Variants in HK2 observed in about 807,000 individuals in gnomAD.
HK2 encodes hexokinase 2.
Under a neutral mutation model 92.9 loss-of-function variants are expected in HK2, and 42 were observed. That is an observed-to-expected ratio of 0.45 (90% CI 0.35 to 0.58). The LOEUF (loss-of-function observed/expected upper bound fraction) is 0.58. Among genes scored for constraint, HK2 ranks in the 20% least tolerant of loss-of-function variants. HK2 has a pLI of 0.00. For synonymous variants in HK2, 422 were observed against 468.0 expected (o/e 0.90, Z 1.27); for missense variants, 978 against 1,245.1 (o/e 0.79, Z 3.23).
chr2:74,836,607 C>T (rs1321869599), intron 1 of HK2, among the ~76,000 whole-genome samples: 1 of 152,166 alleles, frequency 6.6e-6, no homozygotes, highest in African/African-American at 2.4e-5. Flanking sequence ...TCCCTGAAGA[C>T]CCTTGGGTGT....
chr2:74,869,320 T>C (rs983713975), intron 3 of HK2, among the ~76,000 whole-genome samples: 7 of 152,236 alleles, frequency 4.6e-5, no homozygotes, highest in African/African-American at 1.7e-4. Flanking sequence ...GAAAAAAGGC[T>C]GAAAGGAAGT....
Position 74,881,095 on chromosome 2 carries a change from G to A in HK2, c.1570+526G>A, listed in dbSNP as rs561916131. ...TTTTATTACACAGCCATGCCCATGC[G>A]TCTGCACGTTGCTTATGGTTGTTTT... is the stretch of plus-strand genomic sequence containing the variant. On this transcript the variant is annotated intron_variant, in intron 10 of 17. Transcript: ENST00000290573. Among the ~76,000 whole-genome samples, 4 of 152,268 alleles carry A rather than the reference G, an allele frequency of 2.6e-5. 1 individual carries two copies. In the East Asian group the frequency reaches 5.8e-4, roughly 22 times the overall value.
chr2:74,854,604 G>A (rs778584249), intron 2 of HK2, 149 bp downstream of exon 2: 148 of 870,392 alleles, frequency 1.7e-4, no homozygotes, highest in Middle Eastern at 3.2e-4. Context: ...GCTGTGTGAC[G>A]GATGGACAGG....
At chr2:74,874,673 G>A (rs1689184138) in intron 7 of HK2, among the ~76,000 whole-genome samples, 1 of 152,224 alleles carries the variant, frequency 6.6e-6, no homozygotes, top group Non-Finnish European at 1.5e-5. Context: ...TCCTTCACAG[G>A]AGTCATTTTG....
intron 1 of HK2, among the ~76,000 whole-genome samples, chr2:74,839,201 A>G (rs555252599): frequency 2.4e-4 from 37 of 152,204 alleles, no homozygotes; most frequent in Non-Finnish European, 4.1e-4. Flanking sequence ...TATGGGAGAC[A>G]GAAACCCAGA....
At chr2:74,835,549 TAAGA>T (rs1688142095) in intron 1 of HK2, among the ~76,000 whole-genome samples, 1 of 149,352 alleles carries the variant, frequency 6.7e-6, no homozygotes, top group South Asian at 2.2e-4. Flanking sequence ...GTCATTTACA[TAAGA>T]AAGAGCCTCA....
chr2:74,871,597 C>A (rs376265559), intron 3 of HK2, among the ~76,000 whole-genome samples: 1 of 152,116 alleles, frequency 6.6e-6, no homozygotes, highest in African/African-American at 2.4e-5. Context: ...TGAGTGCGTG[C>A]GGTCACGGTT....
rs1286675061 is a variant in HK2, at chr2:74,886,597, A to G, written c.2143A>G (p.Asn715Asp). The G allele has an allele frequency of 6.2e-7, 1 of 1,613,990 alleles. No homozygotes were observed. The highest frequency in any genetic ancestry group is 1.1e-5 in the South Asian group (1 of 91,074). Reference sequence around the variant, plus strand: ...CATGGAATGGGGGGCCTTCGGGGACAATGGATGCCTAGATGACTTCCGCAC... The same window carrying G: ...CATGGAATGGGGGGCCTTCGGGGACGATGGATGCCTAGATGACTTCCGCAC... Reference protein sequence around the residue: ...VNMEWGAFGDNGCLDDFRTEF... With the variant: ...VNMEWGAFGDDGCLDDFRTEF... The change falls in exon 15 of 18, where the codon AAT becomes GAT. Residue 715 changes from asparagine (N) to aspartate (D), a missense_variant. Transcript: ENST00000290573.
intron 1 of HK2, among the ~76,000 whole-genome samples, chr2:74,852,459 C>G (rs1432878338): frequency 2.6e-5 from 4 of 152,166 alleles, no homozygotes; most frequent in Non-Finnish European, 5.9e-5. Flanking sequence ...AAGCTGCACC[C>G]TTTTTCCTCC....
intron 2 of HK2, among the ~76,000 whole-genome samples, chr2:74,861,293 G>T (rs750072040): frequency 9.2e-5 from 14 of 152,068 alleles, no homozygotes; most frequent in Non-Finnish European, 1.6e-4. Context: ...TGGTGGCATG[G>T]ACCTGTAATC....
rs17847160 is a variant in HK2, at chr2:74,880,316, T to C, written c.1317T>C (p.Asp439=). Residue 439 remains aspartate, a synonymous_variant, in exon 10 of 18, where the codon GAT becomes GAC. Coordinates refer to ENST00000290573, the MANE Select transcript of HK2 (RefSeq NM_000189.5). ...TGCGGCGGCTGGTGCCCGGCTGCGA[T>C]GTCCGCTTCCTCCGCTCCGAGGATG... The part of the protein sequence containing the change: ...KTVRRLVPGC[D]VRFLRSEDGS... 5.9e-5 allele frequency: 95 copies of C among 1,614,090 alleles called. No homozygotes were observed. The East Asian group carries it at 2.1e-3, about 35-fold the overall frequency.
intron 2 of HK2, among the ~76,000 whole-genome samples, chr2:74,865,854 A>G (rs1373581251): frequency 6.6e-6 from 1 of 152,098 alleles, no homozygotes; most frequent in Non-Finnish European, 1.5e-5. Context: ...CCGGAGAGAG[A>G]GTACCTAGTA....
In HK2 at chr2:74,886,387, A is replaced by T; in HGVS notation, c.2029A>T (p.Ile677Phe). Reference sequence around the variant, plus strand: ...AGACCCTCACTGTGAAGTTGGCCTCATTGTTGGTAAGGACCCAGACTGTCC... The same window carrying T: ...AGACCCTCACTGTGAAGTTGGCCTCTTTGTTGGTAAGGACCCAGACTGTCC... ...FEDPHCEVGL[I>F]VGTGSNACYM... Residue 677 changes from isoleucine to phenylalanine, a missense_variant, in exon 14 of 18, where the codon ATT becomes TTT. Coordinates refer to ENST00000290573, the MANE Select transcript of HK2 (RefSeq NM_000189.5). 6.2e-7 allele frequency: 1 copy of T among 1,614,082 alleles called. No individual in the cohort carries two copies. Among genetic ancestry groups the T allele is most frequent in the Non-Finnish European group, 8.5e-7 (1 of 1,180,000 alleles).
chr2:74,890,308 T>A (rs780566630), intron 17 of HK2, among the ~76,000 whole-genome samples: 1 of 152,220 alleles, frequency 6.6e-6, no homozygotes, highest in Non-Finnish European at 1.5e-5. Context: ...TAGCAGTGAC[T>A]CTGTAAGTCT....
At chr2:74,856,769 G>A (rs570743093) in intron 2 of HK2, among the ~76,000 whole-genome samples, 63 of 152,334 alleles carry the variant, frequency 4.1e-4, no homozygotes, top group African/African-American at 1.4e-3. Context: ...GGGAGGCCGA[G>A]TTAGGAATCA....
intron 10 of HK2, 129 bp from the exon 11 acceptor site, chr2:74,881,582 A>C: frequency 6.2e-5 from 56 of 897,662 alleles, no homozygotes; most frequent in Non-Finnish European, 9.3e-5. Flanking sequence ...TTCCTTCTGT[A>C]TTCTAGAATG....
At chr2:74,845,452 C>T (rs993483733) in intron 1 of HK2, among the ~76,000 whole-genome samples, 1 of 152,236 alleles carries the variant, frequency 6.6e-6, no homozygotes, top group African/African-American at 2.4e-5. Context: ...GGCCGGGTGT[C>T]CCAAATGCCC....
At position 74,891,767 on chromosome 2, in the gene HK2, GCTT is replaced by G. The variant is rs1689684762; in HGVS notation, c.*831_*833del. 1.5e-5 allele frequency: 2 copies of G among 137,590 alleles called. No homozygotes were observed. The highest frequency in any genetic ancestry group is 7.1e-5 in the Admixed American group (1 of 14,124). The allele number at this position is 137,590 out of a possible 1,614,324, so 8.5% of individuals were successfully genotyped here. On this transcript the variant is annotated 3_prime_UTR_variant, in exon 18 of 18. Coordinates refer to ENST00000290573, the MANE Select transcript of HK2 (RefSeq NM_000189.5). ...TTTTATTTAGTTCTTGAGTAGATCT[GCTT>G]CTTCATCTTGACATGTAATGAATGG...
chr2:74,887,026 G>A (rs1320096988), intron 15 of HK2, among the ~76,000 whole-genome samples: 1 of 152,234 alleles, frequency 6.6e-6, no homozygotes, highest in Non-Finnish European at 1.5e-5. Flanking sequence ...CCATCTTCCA[G>A]CGCCGAGCAC....
Sources: allele counts gnomAD v4.1 joint callset (sites outside exome capture counted in the v4.1 genomes callset), GRCh38; gene constraint gnomAD v4.1.1; transcripts MANE v1.5; gene names NCBI Gene and HGNC (gene_info 2026-07-23, HGNC 2026-07-21).